The following ZNF518B variants were observed in gnomAD, a reference collection of about 807,000 sequenced individuals.
ZNF518B encodes zinc finger protein 518B.
Under a neutral mutation model 56.3 loss-of-function variants are expected in ZNF518B, and 23 were observed. The observed-to-expected ratio is 0.41, with a 90% confidence interval of 0.29 to 0.58. The LOEUF is 0.58. Ranked by LOEUF, ZNF518B falls within the 20% of genes least tolerant of loss-of-function variation. The pLI is 0.32. For synonymous variants in ZNF518B, 529 were observed against 465.9 expected (o/e 1.14, Z -1.74); for missense variants, 1,460 against 1,272.1 (o/e 1.15, Z -2.25).
rs1256019322 is a variant in ZNF518B, at chr4:10,445,701, T to TA, written c.627_628insT (p.Lys210Ter). On this transcript the variant is annotated frameshift_variant, in exon 3 of 3. Coordinates refer to ENST00000326756, the MANE Select transcript of ZNF518B (RefSeq NM_053042.3). LOFTEE classifies it high-confidence loss of function. ...GCACCTGCCCTTTCATGTACTCTCTTCGTGTGTTTGACAATATAATCATTT... is the reference window on the plus strand; with the variant it reads ...GCACCTGCCCTTTCATGTACTCTCTTACGTGTGTTTGACAATATAATCATTT... 6.2e-7 allele frequency: 1 copy of TA among 1,614,076 alleles called. No homozygotes were observed. Among genetic ancestry groups the TA allele is most frequent in the Non-Finnish European group, 8.5e-7 (1 of 1,180,040 alleles).
chr4:10,445,706 T>A lies in ZNF518B; in HGVS notation c.623A>T (p.His208Leu). The stretch of plus-strand genomic sequence containing the variant: ...TGCCCTTTCATGTACTCTCTTCGTG[T>A]GTTTGACAATATAATCATTTCTAAT... ...GAIRNDYIVKHTKRVHERAGA... is the reference protein window; with the variant it reads ...GAIRNDYIVKLTKRVHERAGA... Residue 208 changes from histidine to leucine, a missense_variant, in exon 3 of 3, where the codon CAC (histidine) becomes CTC (leucine). By Grantham distance (99) the His-to-Leu change is moderately conservative (BLOSUM62 -3). Transcript: ENST00000326756. The A allele has an allele frequency of 6.2e-7, 1 of 1,614,206 alleles. No individual in the cohort carries two copies. The highest frequency in any genetic ancestry group is 8.5e-7 in the Non-Finnish European group (1 of 1,180,050).
Position 10,443,395 on chromosome 4 carries a change from CCTCT to C in ZNF518B, c.2930_2933del (p.Glu977GlyfsTer6), listed in dbSNP as rs1248166469. Reference sequence around the variant, plus strand: ...GTCTGATGCCTAGCTGACACCTAGTCCTCTCTGATAAAACAACTTTGAGGACATT... The same window carrying C: ...GTCTGATGCCTAGCTGACACCTAGTCCTGATAAAACAACTTTGAGGACATT... On this transcript the variant is annotated frameshift_variant, in exon 3 of 3. Coordinates refer to ENST00000326756, the MANE Select transcript of ZNF518B (RefSeq NM_053042.3). LOFTEE classifies it high-confidence loss of function. 6.2e-7 allele frequency: 1 copy of C among 1,614,096 alleles called. No homozygotes were observed. The highest frequency in any genetic ancestry group is 8.5e-7 in the Non-Finnish European group (1 of 1,180,046).
At position 10,443,341 on chromosome 4, in the gene ZNF518B, A is replaced by G. The variant is rs146050338; in HGVS notation, c.2988T>C (p.Asn996=). The G allele has an allele frequency of 4.1e-5, 66 of 1,614,104 alleles. No homozygotes were observed. In the Middle Eastern group the frequency reaches 1.2e-3, roughly 28 times the overall value. ...RRHHVRLTYQ[N]AEEASQIKRQ... ...TTTTAATTTGACTGGCTTCTTCCGC[A>G]TTCTGGTAGGTCAGGCGTACATGAT... is the stretch of plus-strand genomic sequence containing the variant. The change falls in exon 3 of 3, where the codon AAT becomes AAC. Residue 996 remains asparagine, a synonymous_variant. Transcript: ENST00000326756.
intron 2 of ZNF518B, among the ~76,000 whole-genome samples, chr4:10,448,540 T>C (rs28460143): frequency 0.28 from 42,922 of 151,846 alleles, 7,230 homozygotes; most frequent in Non-Finnish European, 0.39. Context: ...CGAAAGATAG[T>C]CACCTTCTTC....
rs531049830 is a variant in ZNF518B, at chr4:10,448,956, C to T, written c.-211-2417G>A. Reference sequence around the variant, plus strand: ...GTGACCTCAAGCAAGAACTTACCTGCATCTCTATTATCTATTAAAAAAAGG... The same window carrying T: ...GTGACCTCAAGCAAGAACTTACCTGTATCTCTATTATCTATTAAAAAAAGG... On this transcript the variant is annotated intron_variant, in intron 2 of 2. Coordinates refer to ENST00000326756, the MANE Select transcript of ZNF518B (RefSeq NM_053042.3). Among the ~76,000 whole-genome samples the T allele has an allele frequency of 1.4e-4, 21 of 152,320 alleles. No individual in the cohort carries two copies. In the Middle Eastern group the frequency reaches 0.014, roughly 99 times the overall value.
In ZNF518B at chr4:10,443,995, C is replaced by G. The variant is rs936740758; in HGVS notation, c.2334G>C (p.Leu778Phe). Residue 778 changes from leucine (L) to phenylalanine (F), a missense_variant, in exon 3 of 3, where the codon TTG (leucine) becomes TTC (phenylalanine). Physicochemically the swap from Leu to Phe is conservative, Grantham distance 22 (BLOSUM62 0). Coordinates refer to ENST00000326756, the MANE Select transcript of ZNF518B (RefSeq NM_053042.3). ...TPVLIPKGAV[L>F]RVLNSSENAH... Reference sequence around the variant, plus strand: ...CATTCTCAGAGGAATTAAGAACCCTCAACACAGCCCCTTTGGGGATTAACA... The same window carrying G: ...CATTCTCAGAGGAATTAAGAACCCTGAACACAGCCCCTTTGGGGATTAACA... The G allele has an allele frequency of 6.2e-7, 1 of 1,614,226 alleles. No homozygotes were observed. The highest frequency in any genetic ancestry group is 1.1e-5 in the South Asian group (1 of 91,082).
In ZNF518B at chr4:10,443,790, G is replaced by A. The variant is rs769474695; in HGVS notation, c.2539C>T (p.Leu847=). 1.3e-5 allele frequency: 21 copies of A among 1,614,054 alleles called. No individual in the cohort carries two copies. In the Admixed American group the frequency reaches 3.2e-4, roughly 24 times the overall value. The change falls in exon 3 of 3, where the codon CTG becomes TTG. Residue 847 remains leucine, a synonymous_variant. Coordinates refer to ENST00000326756, the MANE Select transcript of ZNF518B (RefSeq NM_053042.3). ...CTACAGACAGCACTCTCTTTTCTCA[G>A]TTTAGGCCGCAGAGGTGTCTCGATA... The part of the protein sequence containing the change: ...PNIETPLRPK[L]RKESAVCSTI...
chr4:10,447,559 A>G (rs532437110), intron 2 of ZNF518B, among the ~76,000 whole-genome samples: 1 of 152,220 alleles, frequency 6.6e-6, no homozygotes, highest in African/African-American at 2.4e-5. Context: ...CTGGAGCAGA[A>G]AGGAGATCAC....
At chr4:10,460,322 AACC>A (rs1467697623), upstream of ZNF518B, among the ~76,000 whole-genome samples, 1,292 of 87,448 alleles carry the variant, frequency 0.015, 320 homozygotes, top group African/African-American at 0.044. Flanking sequence ...AAAAAAAAAA[AACC>A]AAAAAAAAAA....
chr4:10,461,271 C>T (rs1715733257), upstream of ZNF518B, among the ~76,000 whole-genome samples: 1 of 152,256 alleles, frequency 6.6e-6, no homozygotes, highest in Non-Finnish European at 1.5e-5. Flanking sequence ...CCGCCCTTTC[C>T]CGCCCTGCGG....
At chr4:10,455,738 G>C (rs1577228986) in intron 1 of ZNF518B, among the ~76,000 whole-genome samples, 2 of 152,184 alleles carry the variant, frequency 1.3e-5, no homozygotes, top group Non-Finnish European at 2.9e-5. Context: ...CATTTGCAAT[G>C]AATGTTATCA....
chr4:10,444,168 T>C lies in ZNF518B; in HGVS notation c.2161A>G (p.Thr721Ala). Residue 721 changes from threonine (T) to alanine (A), a missense_variant, in exon 3 of 3, where the codon ACA (threonine) becomes GCA (alanine). By Grantham distance (58) the Thr-to-Ala change is moderately conservative. Transcript: ENST00000326756. ...TTCGGAGGTTTCTGAAGAGTACCTGTGGAATGGCCAAGACCAGTGAGTGAC... is the reference window on the plus strand; with the variant it reads ...TTCGGAGGTTTCTGAAGAGTACCTGCGGAATGGCCAAGACCAGTGAGTGAC... ...NVSLTGLGHS[T>A]GTLQKPPNDG... 1 of 1,614,228 alleles carries C rather than the reference T, an allele frequency of 6.2e-7. No homozygotes were observed. Among genetic ancestry groups the C allele is most frequent in the Non-Finnish European group, 8.5e-7 (1 of 1,180,032 alleles).
intron 1 of ZNF518B, among the ~76,000 whole-genome samples, chr4:10,456,002 G>C (rs1715510417): frequency 6.6e-6 from 1 of 152,172 alleles, no homozygotes; most frequent in South Asian, 2.1e-4. Context: ...TCAAGAGAGA[G>C]AAAAGAGATG....
chr4:10,457,675 C>G (rs1044382909), upstream of ZNF518B, among the ~76,000 whole-genome samples: 1 of 152,256 alleles, frequency 6.6e-6, no homozygotes, highest in Non-Finnish European at 1.5e-5. Flanking sequence ...CTGGCCCAGT[C>G]TGCCATCCCG....
intron 2 of ZNF518B, among the ~76,000 whole-genome samples, chr4:10,450,514 G>A (rs1347806389): frequency 1.3e-5 from 2 of 152,072 alleles, no homozygotes; most frequent in Non-Finnish European, 2.9e-5. Flanking sequence ...TGGTTCTGAT[G>A]TTGGTATTTA....
chr4:10,446,590 G>A, intron 2 of ZNF518B, 51 bp from the exon 3 acceptor site: 2 of 382,930 alleles, frequency 5.2e-6, no homozygotes, highest in Non-Finnish European at 9.7e-6. Flanking sequence ...GTTTGGCTAA[G>A]CTATTAACAA....
Position 10,440,889 on chromosome 4 carries a change from T to C in ZNF518B, c.*2215A>G, listed in dbSNP as rs1421283627. On this transcript the variant is annotated 3_prime_UTR_variant, in exon 3 of 3. Coordinates refer to ENST00000326756, the MANE Select transcript of ZNF518B (RefSeq NM_053042.3). ...ACAAAACAAAAAAAAACCACAGCCT[T>C]TTCTTCACTCCTCTCCTCTCTATAT... 2.0e-5 allele frequency: 3 copies of C among 152,506 alleles called. No individual in the cohort carries two copies. Among genetic ancestry groups the C allele is most frequent in the African/African-American group, 7.2e-5 (3 of 41,388 alleles). 9.4% of individuals were successfully genotyped at this position (152,506 alleles called of 1,614,324 possible).
intron 2 of ZNF518B, among the ~76,000 whole-genome samples, chr4:10,447,885 G>A (rs1464551682): frequency 6.6e-6 from 1 of 152,112 alleles, no homozygotes; most frequent in Admixed American, 6.5e-5. Context: ...CTGACCTCAG[G>A]TGATCTGCCT....
intron 2 of ZNF518B, among the ~76,000 whole-genome samples, chr4:10,449,676 T>A (rs1329745908): frequency 6.6e-6 from 1 of 152,006 alleles, no homozygotes. Context: ...TAAGTTGATA[T>A]CTGTTTATGC....
Sources: gnomAD v4.1 joint callset for allele counts (sites outside exome capture counted in the v4.1 genomes callset) on GRCh38, gnomAD v4.1.1 for gene constraint, MANE v1.5 for transcripts, NCBI Gene and HGNC (gene_info 2026-07-23, HGNC 2026-07-21) for gene names.